PSTPIP1: variants seen among roughly 807,000 people sequenced by gnomAD.
PSTPIP1 encodes proline-serine-threonine phosphatase-interacting protein 1.
PSTPIP1 carries 66 observed loss-of-function variants against 69.6 expected under a neutral mutation model. That is an observed-to-expected ratio of 0.95 (90% confidence interval 0.78 to 1.16). The LOEUF (loss-of-function observed/expected upper bound fraction) is 1.16, where lower values mean the gene tolerates loss of function less well. PSTPIP1 is among the 50% of genes most tolerant of loss of function. The pLI, the probability that PSTPIP1 is intolerant of heterozygous loss-of-function variation, is 0.00. For synonymous variants in PSTPIP1, 266 were observed against 222.7 expected (o/e 1.19, Z -1.73); for missense variants, 603 against 557.4 (o/e 1.08, Z -0.82).
chr15:76,994,707 C>A (rs2075537332), upstream of PSTPIP1: 2 of 1,258,790 alleles, frequency 1.6e-6, no homozygotes, highest in South Asian at 2.5e-5. Flanking sequence ...TCACAGCCCC[C>A]CAGAGCACAG....
intron 1 of PSTPIP1, among the ~76,000 whole-genome samples, chr15:76,999,085 C>G (rs1465285642): frequency 6.6e-6 from 1 of 152,156 alleles, no homozygotes; most frequent in Non-Finnish European, 1.5e-5. Flanking sequence ...AGGAAGGGTC[C>G]TCCCCCTGCC....
intron 6 of PSTPIP1, chr15:77,028,253 CGGCGTGGCGAGGGGCGTGGCGAGG>C (rs1238922069): frequency 8.1e-6 from 4 of 492,842 alleles, no homozygotes; most frequent in African/African-American, 8.0e-5. Flanking sequence ...TAAGAGGGCG[CGGCGTGGCGAGGGGCGTGGCGAGG>C]GGCGTGCCCT....
intron 11 of PSTPIP1, 181 bp downstream of exon 11, chr15:77,032,575 A>G (rs1454153852): frequency 4.5e-6 from 3 of 664,098 alleles, no homozygotes; most frequent in Non-Finnish European, 7.7e-6. Context: ...TCTCAGGCAA[A>G]GCTAAGGGCA....
chr15:77,024,426 C>CA (rs960175107), intron 3 of PSTPIP1: 4 of 152,164 alleles, frequency 2.6e-5, no homozygotes, highest in African/African-American at 9.7e-5. Context: ...CCCCTCCACC[C>CA]AGGGCTGTCC....
At chr15:77,030,639 C>A in intron 9 of PSTPIP1, 58 bp downstream of exon 9, 1 of 1,495,556 alleles carries the variant, frequency 6.7e-7, no homozygotes, top group Non-Finnish European at 9.0e-7. Context: ...GACGCCCATC[C>A]CTACTCCAGC....
At chr15:77,008,007 G>A (rs1235964891) in intron 1 of PSTPIP1, 1 of 456,372 alleles carries the variant, frequency 2.2e-6, no homozygotes. Flanking sequence ...ACTCTCCTAG[G>A]CATCAGGACA....
rs771697755 is a variant in PSTPIP1, at chr15:77,027,749, C to G, written c.355-103C>G. On this transcript the variant is annotated intron_variant, in intron 5 of 14. Transcript: ENST00000558012. The surrounding 1 kb of genome is among the most constrained non-coding windows in gnomAD (Gnocchi z 4.3). ...CAGCCTGTCACCCTCTCTCCAGAGC[C>G]AGGAGAGGTGCTGCGCCTCATCCCA... The G allele has an allele frequency of 2.7e-4, 371 of 1,370,794 alleles. 2 individuals are homozygous for G. The highest frequency in any genetic ancestry group is 9.8e-4 in the South Asian group (78 of 79,814). The allele number at this position is 1,370,794 out of a possible 1,614,324, so 84.9% of individuals were successfully genotyped here. A position where few individuals can be genotyped will look rare whatever the true frequency, so the allele number is the denominator to read the frequency against.
At chr15:77,035,185 T>C (rs1297452425) in intron 12 of PSTPIP1, among the ~76,000 whole-genome samples, 3 of 152,174 alleles carry the variant, frequency 2.0e-5, no homozygotes, top group Non-Finnish European at 4.4e-5. Flanking sequence ...CAAAGGGCCA[T>C]GGGAGTCTTC....
chr15:76,996,131 C>T (rs2075574649), intron 1 of PSTPIP1, among the ~76,000 whole-genome samples: 1 of 152,244 alleles, frequency 6.6e-6, no homozygotes, highest in South Asian at 2.1e-4. Context: ...TGCCTCACTC[C>T]AAATGGTAAT....
chr15:77,036,035 TTCAC>T (rs1288320319), intron 14 of PSTPIP1, 100 bp downstream of exon 14: 1 of 1,396,518 alleles, frequency 7.2e-7, no homozygotes, highest in Non-Finnish European at 9.4e-7. Flanking sequence ...TCCTCATGGT[TTCAC>T]TCATCTTCGA....
At chr15:77,008,133 C>T (rs2075856886) in intron 1 of PSTPIP1, 1 of 450,500 alleles carries the variant, frequency 2.2e-6, no homozygotes, top group Middle Eastern at 5.6e-4. Context: ...CCTGGAGCTG[C>T]AGTGAATACT....
At chr15:77,015,713 G>A (rs964461753) in intron 1 of PSTPIP1, 10 of 351,376 alleles carry the variant, frequency 2.8e-5, no homozygotes, top group South Asian at 1.5e-4. Flanking sequence ...CCATGCCCTC[G>A]AGGAAGTGGC....
chr15:77,033,408 A>C (rs1486792913), intron 12 of PSTPIP1, among the ~76,000 whole-genome samples: 1 of 152,166 alleles, frequency 6.6e-6, no homozygotes, highest in Admixed American at 6.5e-5. Flanking sequence ...TGACCTGGGC[A>C]AGTCATTCAC....
chr15:77,001,042 A>G (rs952010448), intron 1 of PSTPIP1, among the ~76,000 whole-genome samples: 4 of 152,068 alleles, frequency 2.6e-5, no homozygotes, highest in Admixed American at 1.3e-4. Flanking sequence ...CCTCATTTTC[A>G]GCAACACCAC....
Position 76,995,565 on chromosome 15 carries a change from C to T in PSTPIP1, c.-9C>T, listed in dbSNP as rs758281034. On this transcript the variant is annotated 5_prime_UTR_variant, in exon 1 of 15. It adds an upstream start codon to the 5' untranslated region. Transcript: ENST00000558012. ...GGAGAGTGAGCTTTGCCGCGGCAGA[C>T]GCCTGAGGATGATGCCCCAGCTGCA... 5 of 1,613,704 alleles carry T rather than the reference C, an allele frequency of 3.1e-6. No individual in the cohort carries two copies. The highest frequency in any genetic ancestry group is 2.7e-5 in the African/African-American group (2 of 74,902).
intron 1 of PSTPIP1, among the ~76,000 whole-genome samples, chr15:76,997,508 C>T (rs535312648): frequency 6.6e-6 from 1 of 152,248 alleles, no homozygotes; most frequent in Non-Finnish European, 1.5e-5. Flanking sequence ...CATATTCACT[C>T]ATTCAATCCT....
chr15:77,028,046 C>A, intron 6 of PSTPIP1, 132 bp downstream of exon 6: 2 of 872,356 alleles, frequency 2.3e-6, no homozygotes, highest in Non-Finnish European at 3.6e-6. Context: ...CGGACCTCGG[C>A]CTTGGGCGCA....
intron 13 of PSTPIP1, 117 bp downstream of exon 13, chr15:77,035,680 C>T: frequency 6.8e-7 from 1 of 1,473,692 alleles, no homozygotes; most frequent in South Asian, 1.2e-5. Flanking sequence ...TGTCCCCCAA[C>T]AGCAAGTGTG....
intron 1 of PSTPIP1, among the ~76,000 whole-genome samples, chr15:77,009,860 C>T (rs2075897406): frequency 6.6e-6 from 1 of 152,208 alleles, no homozygotes; most frequent in African/African-American, 2.4e-5. Flanking sequence ...TCCCCTGGGA[C>T]ATCCCTGGCA....
Sources: gnomAD v4.1 joint callset for allele counts (sites outside exome capture counted in the v4.1 genomes callset) on GRCh38, gnomAD v4.1.1 for gene constraint, Gnocchi (gnomAD v3.1) non-coding constraint, MANE v1.5 for transcripts, NCBI Gene and HGNC (gene_info 2026-07-23, HGNC 2026-07-21) for gene names.